NME7: variants seen among roughly 807,000 people sequenced by gnomAD.
NME7 encodes the protein nucleoside diphosphate kinase 7.
Under a neutral mutation model 49.1 loss-of-function variants are expected in NME7, and 41 were observed. That is an observed-to-expected ratio of 0.83 (90% confidence interval 0.65 to 1.08). The LOEUF (loss-of-function observed/expected upper bound fraction) is 1.08. NME7 is among the 50% of genes least tolerant of loss of function. The pLI, the probability that NME7 is intolerant of heterozygous loss-of-function variation, is 0.00. For synonymous variants in NME7, 139 were observed against 150.6 expected (o/e 0.92, Z 0.56); for missense variants, 423 against 463.4 (o/e 0.91, Z 0.80).
chr1:169,299,122 T>A (rs535312966), intron 5 of NME7, among the ~76,000 whole-genome samples: 52 of 152,222 alleles, frequency 3.4e-4, no homozygotes, highest in Non-Finnish European at 6.8e-4. Flanking sequence ...TGTTTACCAC[T>A]GCAGTCAAGT....
intron 1 of NME7, among the ~76,000 whole-genome samples, chr1:169,329,182 CAAA>C (rs887026044): frequency 6.7e-6 from 1 of 148,852 alleles, no homozygotes; most frequent in African/African-American, 2.6e-5. Context: ...CTAACAACAA[CAAA>C]AAAAAAATCT....
intron 9 of NME7, among the ~76,000 whole-genome samples, chr1:169,233,652 C>G (rs948575674): frequency 6.6e-6 from 1 of 152,170 alleles, no homozygotes; most frequent in African/African-American, 2.4e-5. Flanking sequence ...ATATGGTACT[C>G]ATAACTCTAC....
chr1:169,182,174 T>TAAA (rs59280361), intron 10 of NME7, among the ~76,000 whole-genome samples: 75 of 134,090 alleles, frequency 5.6e-4, no homozygotes, highest in African/African-American at 2.0e-3. Context: ...CTAGCTAATT[T>TAAA]AAAAAAAAAA....
intron 1 of NME7, among the ~76,000 whole-genome samples, chr1:169,338,912 T>C (rs540937989): frequency 2.6e-5 from 4 of 152,342 alleles, no homozygotes; most frequent in African/African-American, 9.6e-5. Flanking sequence ...CAGACTGATG[T>C]TCCCACAGTA....
intron 7 of NME7, among the ~76,000 whole-genome samples, chr1:169,252,477 G>A (rs1390976441): frequency 1.3e-5 from 2 of 152,038 alleles, no homozygotes; most frequent in Non-Finnish European, 2.9e-5. Flanking sequence ...TGTCAGAAGA[G>A]TAGGTTGCGA....
intron 11 of NME7, among the ~76,000 whole-genome samples, chr1:169,145,747 C>A (rs755010023): frequency 1.3e-5 from 2 of 151,946 alleles, no homozygotes; most frequent in African/African-American, 4.8e-5. Context: ...TATGTTGACC[C>A]GAATTTAAAA....
At chr1:169,262,741 A>G (rs1401567350) in intron 7 of NME7, among the ~76,000 whole-genome samples, 3 of 133,668 alleles carry the variant, frequency 2.2e-5, no homozygotes, top group African/African-American at 5.1e-5. Flanking sequence ...CCCATGCAAG[A>G]CTGAGAAGGA....
intron 9 of NME7, among the ~76,000 whole-genome samples, chr1:169,231,834 C>T (rs1055257315): frequency 6.6e-6 from 1 of 152,096 alleles, no homozygotes; most frequent in African/African-American, 2.4e-5. Context: ...AAGCAAGACT[C>T]AAAAGTTTCA....
intron 7 of NME7, among the ~76,000 whole-genome samples, chr1:169,277,707 A>G (rs12038798): frequency 0.22 from 13,217 of 61,194 alleles, 2,497 homozygotes; most frequent in East Asian, 0.56. Flanking sequence ...ATATTGTTAT[A>G]TGTGAATTTG....
intron 1 of NME7, among the ~76,000 whole-genome samples, chr1:169,351,268 C>G (rs56874068): frequency 0.011 from 1,638 of 152,006 alleles, 38 homozygotes; most frequent in African/African-American, 0.038. Context: ...TAACCAAAAT[C>G]AAAGGTCTCT....
At chr1:169,145,209 T>A (rs1231564832) in intron 11 of NME7, among the ~76,000 whole-genome samples, 4 of 152,218 alleles carry the variant, frequency 2.6e-5, no homozygotes, top group Non-Finnish European at 5.9e-5. Flanking sequence ...TTTTTGCTGT[T>A]TTCAACTTGC....
chr1:169,178,587 C>T (rs957904693), intron 10 of NME7, among the ~76,000 whole-genome samples: 14 of 152,120 alleles, frequency 9.2e-5, no homozygotes, highest in African/African-American at 3.4e-4. Flanking sequence ...TAGCTACTTC[C>T]TTGAATCGAA....
At chr1:169,222,852 G>A (rs374645419) in intron 10 of NME7, among the ~76,000 whole-genome samples, 8 of 152,050 alleles carry the variant, frequency 5.3e-5, no homozygotes, top group Non-Finnish European at 1.2e-4. Context: ...GCTATGAATC[G>A]TTCAAAAATA....
chr1:169,323,665 C>T (rs1219889114), intron 2 of NME7, among the ~76,000 whole-genome samples: 1 of 152,056 alleles, frequency 6.6e-6, no homozygotes, highest in South Asian at 2.1e-4. Context: ...AATTGTGTTG[C>T]CAGTGAAAGA....
At chr1:169,289,397 C>A (rs1195528375) in intron 6 of NME7, among the ~76,000 whole-genome samples, 1 of 152,056 alleles carries the variant, frequency 6.6e-6, no homozygotes, top group Non-Finnish European at 1.5e-5. Flanking sequence ...AATTCAGCAC[C>A]TAATAAATTC....
intron 10 of NME7, among the ~76,000 whole-genome samples, chr1:169,189,133 T>G (rs1347813338): frequency 1.3e-5 from 2 of 152,166 alleles, no homozygotes; most frequent in African/African-American, 4.8e-5. Context: ...TTGCATAAAT[T>G]TTATAAATGG....
At chr1:169,364,712 C>A (rs752567674) in intron 1 of NME7, among the ~76,000 whole-genome samples, 1 of 152,196 alleles carries the variant, frequency 6.6e-6, no homozygotes, top group African/African-American at 2.4e-5. Context: ...TTGCTCATAC[C>A]TGGGCATAGG....
intron 7 of NME7, among the ~76,000 whole-genome samples, chr1:169,279,374 A>T (rs1043755269): frequency 6.6e-6 from 1 of 152,178 alleles, no homozygotes; most frequent in African/African-American, 2.4e-5. Context: ...TTGTTTACCT[A>T]AGCAAGCCTG....
intron 7 of NME7, among the ~76,000 whole-genome samples, chr1:169,267,310 G>C (rs994790261): frequency 7.5e-6 from 1 of 133,498 alleles, no homozygotes; most frequent in Admixed American, 7.4e-5. Flanking sequence ...TCTTAGATGG[G>C]AAGAATCAAT....
Sources: gnomAD v4.1 joint callset for allele counts (sites outside exome capture counted in the v4.1 genomes callset) on GRCh38, gnomAD v4.1.1 for gene constraint, MANE v1.5 for transcripts, NCBI Gene and HGNC (gene_info 2026-07-23, HGNC 2026-07-21) for gene names.